AGBL1: variants seen among roughly 807,000 people sequenced by gnomAD.
AGBL1 encodes the protein AGBL carboxypeptidase 1.
A neutral mutation model predicts 118.9 loss-of-function variants in AGBL1; 130 were observed. The ratio of observed to expected loss-of-function variants is 1.09; its 90% CI spans 0.95 to 1.26. The LOEUF is 1.26. AGBL1 is among the 50% of genes most tolerant of loss of function. The probability of loss-of-function intolerance (pLI) is 0.00; values close to 1 mark genes in which losing one functional copy is unlikely to be tolerated. For missense variants in AGBL1, 1,584 were observed against 1,298.1 expected (o/e 1.22, Z -3.38); for synonymous variants, 555 against 478.9 (o/e 1.16, Z -2.08).
intron 22 of AGBL1, among the ~76,000 whole-genome samples, chr15:86,906,369 C>A (rs1470662134): frequency 6.6e-6 from 1 of 152,176 alleles, no homozygotes; most frequent in Non-Finnish European, 1.5e-5. Flanking sequence ...GCTGGTCAAC[C>A]CCTGTTGATC....
chr15:86,585,871 C>A (rs190503755), intron 21 of AGBL1, among the ~76,000 whole-genome samples: 2 of 152,248 alleles, frequency 1.3e-5, no homozygotes, highest in East Asian at 3.9e-4. Context: ...AAATTCATAA[C>A]AATGGTGAGA....
chr15:86,969,167 A>G (rs545612630), intron 23 of AGBL1, among the ~76,000 whole-genome samples: 11 of 151,950 alleles, frequency 7.2e-5, no homozygotes, highest in Non-Finnish European at 5.9e-5. Context: ...TTAAAGTTCA[A>G]AGTCTCATCT....
chr15:86,158,340 C>G (rs1025341188), intron 4 of AGBL1, among the ~76,000 whole-genome samples: 1 of 152,182 alleles, frequency 6.6e-6, no homozygotes, highest in African/African-American at 2.4e-5. Context: ...TCTAAGACCT[C>G]TTGTTCCCAC....
intron 18 of AGBL1, among the ~76,000 whole-genome samples, chr15:86,421,838 T>C (rs1194916973): frequency 6.6e-6 from 1 of 152,052 alleles, no homozygotes; most frequent in African/African-American, 2.4e-5. Flanking sequence ...CCAACAAAGA[T>C]TTAAAAAGAC....
At chr15:86,872,321 T>G (rs374168026) in intron 22 of AGBL1, among the ~76,000 whole-genome samples, 2 of 152,248 alleles carry the variant, frequency 1.3e-5, no homozygotes, top group African/African-American at 4.8e-5. Context: ...AGACACAAGC[T>G]GATGAAACAA....
At chr15:86,963,174 G>C (rs929905313) in intron 23 of AGBL1, among the ~76,000 whole-genome samples, 9 of 151,954 alleles carry the variant, frequency 5.9e-5, no homozygotes, top group Admixed American at 4.6e-4. Flanking sequence ...CAAAAGCCAT[G>C]GACAACCTGG....
At chr15:86,386,846 G>A (rs946640109) in intron 17 of AGBL1, among the ~76,000 whole-genome samples, 1 of 152,088 alleles carries the variant, frequency 6.6e-6, no homozygotes, top group Non-Finnish European at 1.5e-5. Context: ...CTATTATAGT[G>A]CCTGTTGCAT....
chr15:86,285,714 G>A (rs2079432597), intron 16 of AGBL1, among the ~76,000 whole-genome samples: 1 of 152,102 alleles, frequency 6.6e-6, no homozygotes. Flanking sequence ...AGAATATTAG[G>A]CATTTGTTGA....
intron 22 of AGBL1, among the ~76,000 whole-genome samples, chr15:86,763,519 T>G (rs549956266): frequency 6.6e-6 from 1 of 152,126 alleles, no homozygotes; most frequent in South Asian, 2.1e-4. Flanking sequence ...TTTATGAATA[T>G]CTGGGAGAGC....
intron 5 of AGBL1, among the ~76,000 whole-genome samples, chr15:86,180,143 C>T (rs560042088): frequency 7.2e-5 from 11 of 152,048 alleles, no homozygotes; most frequent in South Asian, 6.2e-4. Flanking sequence ...AGATTCGTTG[C>T]ACTCCCAGTG....
intron 1 of AGBL1, among the ~76,000 whole-genome samples, chr15:86,113,438 C>T (rs1897560425): frequency 6.6e-6 from 1 of 151,716 alleles, no homozygotes; most frequent in South Asian, 2.1e-4. Flanking sequence ...CAGGTGCCCA[C>T]CACCATGCCC....
chr15:86,569,846 T>C (rs1327520144), intron 21 of AGBL1, among the ~76,000 whole-genome samples: 1 of 152,192 alleles, frequency 6.6e-6, no homozygotes, highest in East Asian at 1.9e-4. Context: ...AAGGAGGAGA[T>C]CTGGCACTTG....
chr15:87,009,982 G>T (rs1266635700), intron 24 of AGBL1, among the ~76,000 whole-genome samples: 1 of 152,118 alleles, frequency 6.6e-6, no homozygotes, highest in East Asian at 1.9e-4. Flanking sequence ...ATAAGACTTG[G>T]GACTGTGGAC....
chr15:86,904,748 T>G (rs1341094982), intron 22 of AGBL1, among the ~76,000 whole-genome samples: 2 of 150,740 alleles, frequency 1.3e-5, no homozygotes, highest in African/African-American at 4.8e-5. Context: ...ATGATAATTG[T>G]GGTATAATCC....
chr15:86,164,307 G>A (rs549010387), intron 5 of AGBL1, among the ~76,000 whole-genome samples: 55 of 152,210 alleles, frequency 3.6e-4, no homozygotes, highest in Non-Finnish European at 7.3e-4. Flanking sequence ...GCCAGAGTGT[G>A]CTACCTCTTG....
chr15:86,994,292 AG>A lies in AGBL1; in HGVS notation c.3323+6207del, dbSNP rs1258388382. Reference sequence around the variant, plus strand: ...ACAACTTTGAAAAGCCTAAACAACAAGGGAATATCTCTCTCTCTCTATATAT... The same window carrying A: ...ACAACTTTGAAAAGCCTAAACAACAAGGAATATCTCTCTCTCTCTATATAT... On this transcript the variant is annotated intron_variant, in intron 24 of 24. Coordinates refer to the AGBL1 transcript ENST00000441037. 1.3e-5 allele frequency among the ~76,000 whole-genome samples: 2 copies of A among 150,238 alleles called. 1 individual carries two copies. Among genetic ancestry groups the A allele is most frequent in the Non-Finnish European group, 2.9e-5 (2 of 67,922 alleles).
rs542724338 is a variant in AGBL1 at position 86,172,093 on chromosome 15, A to G, written c.488+13067A>G. ...AGACTACGCATTGGGTACAGTGTGC[A>G]GTGCTCAGGTGATGGTGCACCAAAA... On this transcript the variant is annotated intron_variant, in intron 5 of 22. Transcript: ENST00000614907. Among the ~76,000 whole-genome samples, 6 of 152,290 alleles carry G rather than the reference A, an allele frequency of 3.9e-5. No individual in the cohort carries two copies. In the South Asian group the frequency reaches 8.3e-4, roughly 21 times the overall value.
At chr15:86,961,124 G>T (rs760013468) in intron 23 of AGBL1, among the ~76,000 whole-genome samples, 10 of 151,980 alleles carry the variant, frequency 6.6e-5, no homozygotes, top group Non-Finnish European at 1.5e-4. Context: ...GTAACTATGT[G>T]ACATAATAGA....
chr15:86,933,799 T>C (rs2080633754), intron 23 of AGBL1, among the ~76,000 whole-genome samples: 2 of 152,234 alleles, frequency 1.3e-5, no homozygotes, highest in South Asian at 4.1e-4. Flanking sequence ...TATTCCCCAG[T>C]GTCTTATGCA....
Sources: gnomAD v4.1 joint callset for allele counts (sites outside exome capture counted in the v4.1 genomes callset) on GRCh38, gnomAD v4.1.1 for gene constraint, MANE v1.5 for transcripts, NCBI Gene and HGNC (gene_info 2026-07-23, HGNC 2026-07-21) for gene names.